ALK: variants seen among roughly 807,000 people sequenced by gnomAD.
The protein encoded by ALK is ALK tyrosine kinase receptor.
A neutral mutation model predicts 163.1 loss-of-function variants in ALK; 74 were observed. The observed-to-expected ratio is 0.45, with a 90% CI of 0.38 to 0.55. The LOEUF is 0.55. Among genes scored for constraint, ALK ranks in the 20% least tolerant of loss-of-function variants. The pLI is 0.00. For missense variants in ALK, 2,063 were observed against 2,105.3 expected, an observed-to-expected ratio of 0.98 and a Z score of 0.39; for synonymous variants, 960 against 843.2, an observed-to-expected ratio of 1.14 and a Z score of -2.40.
chr2:29,876,184 A>G (rs1048962289), intron 1 of ALK, among the ~76,000 whole-genome samples: 4 of 152,252 alleles, frequency 2.6e-5, no homozygotes, highest in Non-Finnish European at 5.9e-5. Flanking sequence ...AATACTCTCA[A>G]CTGCATACTA....
At chr2:29,221,214 C>T (rs1373206329) in intron 22 of ALK, 2 of 538,632 alleles carry the variant, frequency 3.7e-6, no homozygotes, top group South Asian at 3.1e-5. Flanking sequence ...GAAGGTGAAG[C>T]AAAACAACTG....
At chr2:29,285,603 C>T (rs1573193132) in intron 9 of ALK, among the ~76,000 whole-genome samples, 1 of 147,812 alleles carries the variant, frequency 6.8e-6, no homozygotes, top group East Asian at 2.1e-4. Context: ...CTTTCTGTCG[C>T]CCAGGCTGGA....
chr2:29,356,565 C>T (rs1668251717), intron 5 of ALK, among the ~76,000 whole-genome samples: 1 of 152,188 alleles, frequency 6.6e-6, no homozygotes, highest in Admixed American at 6.5e-5. Context: ...CACTTTGCTG[C>T]CTCTGGTTCT....
intron 15 of ALK, among the ~76,000 whole-genome samples, chr2:29,229,444 C>A (rs1470903116): frequency 2.0e-5 from 3 of 152,206 alleles, no homozygotes; most frequent in African/African-American, 7.2e-5. Context: ...AGCCCCGTAG[C>A]ACTGGACCTT....
intron 4 of ALK, among the ~76,000 whole-genome samples, chr2:29,518,637 C>T (rs923433279): frequency 2.0e-5 from 3 of 152,152 alleles, no homozygotes; most frequent in Non-Finnish European, 2.9e-5. Context: ...AAGAACAAGT[C>T]CCCTGACCCC....
intron 3 of ALK, among the ~76,000 whole-genome samples, chr2:29,578,330 C>T (rs1221059657): frequency 2.0e-5 from 3 of 152,162 alleles, no homozygotes; most frequent in Non-Finnish European, 4.4e-5. Flanking sequence ...TTGTAAATTG[C>T]CCAGTCTCAG....
chr2:29,519,074 T>A (rs1448267394), intron 4 of ALK, among the ~76,000 whole-genome samples: 1 of 152,246 alleles, frequency 6.6e-6, no homozygotes, highest in Non-Finnish European at 1.5e-5. Context: ...TGCCATTTTG[T>A]GTATAAAACA....
intron 3 of ALK, among the ~76,000 whole-genome samples, chr2:29,693,904 A>T (rs1678477400): frequency 6.6e-6 from 1 of 152,150 alleles, no homozygotes; most frequent in Non-Finnish European, 1.5e-5. Flanking sequence ...TAGTTTTCTT[A>T]TCTGCCCTGC....
intron 1 of ALK, among the ~76,000 whole-genome samples, chr2:29,801,771 A>G (rs924382199): frequency 1.3e-5 from 2 of 152,224 alleles, no homozygotes; most frequent in Admixed American, 1.3e-4. Flanking sequence ...CATCATTTCA[A>G]TATTGAGGAA....
At chr2:29,806,367 G>A (rs1664615634) in intron 1 of ALK, among the ~76,000 whole-genome samples, 1 of 152,164 alleles carries the variant, frequency 6.6e-6, no homozygotes, top group Non-Finnish European at 1.5e-5. Flanking sequence ...TGTGATAACA[G>A]CAGAGGAAAG....
chr2:29,563,703 A>C (rs1317342930), intron 3 of ALK, among the ~76,000 whole-genome samples: 2 of 152,208 alleles, frequency 1.3e-5, no homozygotes, highest in Non-Finnish European at 2.9e-5. Flanking sequence ...CTTTTAGGTT[A>C]ACTGTTCTTG....
At chr2:29,917,972 T>C (rs1434305395) in intron 1 of ALK, among the ~76,000 whole-genome samples, 4 of 152,226 alleles carry the variant, frequency 2.6e-5, no homozygotes, top group Admixed American at 2.6e-4. Context: ...GAGGGAGGGC[T>C]TGGGATGCCC....
intron 3 of ALK, among the ~76,000 whole-genome samples, chr2:29,548,963 G>A (rs1673641985): frequency 6.6e-6 from 1 of 152,060 alleles, no homozygotes; most frequent in Admixed American, 6.5e-5. Flanking sequence ...CTTGTGGTTT[G>A]TAACCCATTA....
intron 4 of ALK, among the ~76,000 whole-genome samples, chr2:29,512,986 A>G (rs1308764331): frequency 6.6e-6 from 1 of 151,462 alleles, no homozygotes; most frequent in Non-Finnish European, 1.5e-5. Context: ...ACCACTGCTC[A>G]ATGAAATAAA....
rs572455184 is a variant in ALK at position 29,867,932 on chromosome 2, C to T, written c.667+52061G>A. 2.6e-5 allele frequency among the ~76,000 whole-genome samples: 4 copies of T among 152,282 alleles called. No individual in the cohort carries two copies. In the East Asian group the frequency reaches 7.7e-4, roughly 29 times the overall value. ...TGGGAGGAGTGGGCAGCTGCTCAGA[C>T]AGCAGTGACCTCATTTCCATTGGAA... On this transcript the variant is annotated intron_variant, in intron 1 of 28. Coordinates refer to ENST00000389048, the MANE Select transcript of ALK (RefSeq NM_004304.5).
intron 10 of ALK, 42 bp downstream of exon 10, chr2:29,275,360 T>C: frequency 1.2e-6 from 2 of 1,610,218 alleles, no homozygotes; most frequent in Non-Finnish European, 1.7e-6. Context: ...CCATGGGCCA[T>C]GGGGGTTGGG....
chr2:29,198,757 T>C (rs970830290), intron 26 of ALK, among the ~76,000 whole-genome samples: 1 of 152,200 alleles, frequency 6.6e-6, no homozygotes, highest in Non-Finnish European at 1.5e-5. Context: ...ATTATGTTTA[T>C]TGACTTGATA....
chr2:29,196,709 T>C (rs1157759139), intron 28 of ALK, 61 bp downstream of exon 28: 2 of 1,204,168 alleles, frequency 1.7e-6, no homozygotes, highest in Non-Finnish European at 2.5e-6. Context: ...TTTCGGTATT[T>C]GCCATCTTTA....
At chr2:29,560,448 A>G (rs114795583) in intron 3 of ALK, among the ~76,000 whole-genome samples, 137 of 152,328 alleles carry the variant, frequency 9.0e-4, no homozygotes, top group African/African-American at 3.2e-3. Context: ...AATGACTGCA[A>G]ATGAGCCGAA....
Sources: gnomAD v4.1 joint callset for allele counts (sites outside exome capture counted in the v4.1 genomes callset) on GRCh38, gnomAD v4.1.1 for gene constraint, MANE v1.5 for transcripts, NCBI Gene and HGNC (gene_info 2026-07-23, HGNC 2026-07-21) for gene names.